RUNX3: variants seen among roughly 807,000 people sequenced by gnomAD.
RUNX3 encodes RUNX family transcription factor 3.
RUNX3 carries 10 observed loss-of-function variants against 27.7 expected under a neutral mutation model. That is an observed-to-expected ratio of 0.36 (90% CI 0.22 to 0.61). RUNX3 has a LOEUF of 0.61. RUNX3 is among the 20% of genes least tolerant of loss of function. The probability of loss-of-function intolerance (pLI) is 0.72; values close to 1 mark genes in which losing one functional copy is unlikely to be tolerated. For synonymous variants in RUNX3, 270 were observed against 269.2 expected, an observed-to-expected ratio of 1.00 and a Z score of -0.03; for missense variants, 469 against 629.5, an observed-to-expected ratio of 0.75 and a Z score of 2.73.
intron 2 of RUNX3, chr1:24,964,442 G>A (rs1328381612): frequency 3.8e-5 from 47 of 1,251,516 alleles, no homozygotes; most frequent in Non-Finnish European, 4.9e-5. Flanking sequence ...CAGCCAGGGC[G>A]GTCAGTGGAG....
chr1:24,916,271 G>A lies in RUNX3; in HGVS notation c.544+2969C>T, dbSNP rs1640887331. 6.6e-6 allele frequency among the ~76,000 whole-genome samples: 1 copy of A among 152,218 alleles called. No homozygotes were observed. Among genetic ancestry groups the A allele is most frequent in the Non-Finnish European group, 1.5e-5 (1 of 68,036 alleles). On this transcript the variant is annotated intron_variant, in intron 3 of 4. Transcript: ENST00000308873. The surrounding 1 kb of genome is among the most constrained non-coding windows in gnomAD (Gnocchi z 4.8). ...GTTGTGGGGGCACTTCCTGGGGCCAGGCCCCGGTAAACTCAGTCAACCTTC... is the reference window on the plus strand; with the variant it reads ...GTTGTGGGGGCACTTCCTGGGGCCAAGCCCCGGTAAACTCAGTCAACCTTC...
At chr1:24,905,804 C>T (rs1319945740) in intron 4 of RUNX3, among the ~76,000 whole-genome samples, 4 of 152,256 alleles carry the variant, frequency 2.6e-5, no homozygotes, top group Non-Finnish European at 4.4e-5. Context: ...TACTGCACCT[C>T]GACAGATGCT....
At chr1:24,956,583 G>A (rs1641932709) in intron 2 of RUNX3, among the ~76,000 whole-genome samples, 1 of 152,222 alleles carries the variant, frequency 6.6e-6, no homozygotes, top group African/African-American at 2.4e-5. Context: ...ACCCCCCCTG[G>A]ACCTAGCACC....
intron 2 of RUNX3, among the ~76,000 whole-genome samples, chr1:24,922,631 G>A (rs1359710110): frequency 6.6e-6 from 1 of 152,000 alleles, no homozygotes; most frequent in East Asian, 1.9e-4. Flanking sequence ...GAATAAAGCA[G>A]CACATTTACC....
intron 3 of RUNX3, among the ~76,000 whole-genome samples, chr1:24,915,214 G>A (rs1228984876): frequency 1.3e-5 from 2 of 152,092 alleles, no homozygotes; most frequent in Admixed American, 6.5e-5. Flanking sequence ...ACTTGAGGTC[G>A]GGAGTTCAAG....
chr1:24,919,120 C>T, intron 3 of RUNX3, 120 bp downstream of exon 3: 1 of 605,872 alleles, frequency 1.7e-6, no homozygotes, highest in Non-Finnish European at 2.8e-6. Flanking sequence ...TGTGTGGGGG[C>T]ACAGAGCCAA....
chr1:24,927,152 G>C lies in RUNX3; in HGVS notation c.439+422C>G, dbSNP rs1199053134. Among the ~76,000 whole-genome samples, 3 of 152,278 alleles carry C rather than the reference G, an allele frequency of 2.0e-5. No homozygotes were observed. Among genetic ancestry groups the C allele is most frequent in the Non-Finnish European group, 4.4e-5 (3 of 68,024 alleles). ...AGCCTCAGAGTGTGGGGGATATTCT[G>C]CCCCCTATGGAGAGAGTGGCTGGGG... On this transcript the variant is annotated intron_variant, in intron 2 of 4. Transcript: ENST00000308873. The surrounding 1 kb of genome is among the most constrained non-coding windows in gnomAD (Gnocchi z 5.0).
chr1:24,930,066 G>C lies in RUNX3; in HGVS notation c.-198C>G, dbSNP rs1363048108. The C allele has an allele frequency of 1.0e-6, 1 of 980,150 alleles. No homozygotes were observed. The highest frequency in any genetic ancestry group is 1.2e-6 in the Non-Finnish European group (1 of 827,946). 60.7% of individuals were successfully genotyped at this position (980,150 alleles called of 1,614,324 possible). On this transcript the variant is annotated 5_prime_UTR_variant, in exon 1 of 5. Coordinates refer to ENST00000308873, the MANE Select transcript of RUNX3 (RefSeq NM_004350.3). This position sits in a 1 kb window ranked among gnomAD's most constrained non-coding sequence, Gnocchi z 4.1. ...GCCCGCTGCGAGGCCTCGCTGGCCC[G>C]ACGGCCGCCCGCAGCCTGCCCGGCT...
chr1:24,929,189 G>A (rs1302575105), intron 1 of RUNX3: 1 of 486,740 alleles, frequency 2.1e-6, no homozygotes, highest in South Asian at 1.5e-5. Flanking sequence ...TGGAGGCGGA[G>A]GGTAGGCCCT....
At chr1:24,908,615 G>A (rs1443165917) in intron 3 of RUNX3, among the ~76,000 whole-genome samples, 3 of 152,188 alleles carry the variant, frequency 2.0e-5, no homozygotes, top group African/African-American at 7.2e-5. Context: ...GCAGTGAGCT[G>A]ATTGTACCAC....
rs182937678 is a variant in RUNX3 at position 24,923,116 on chromosome 1, A to G, written c.440-3772T>C. 2.0e-5 allele frequency among the ~76,000 whole-genome samples: 3 copies of G among 152,252 alleles called. No homozygotes were observed. The highest frequency in any genetic ancestry group is 3.9e-4 in the East Asian group (2 of 5,190). Reference sequence around the variant, plus strand: ...AACGTCCCGCTCCTGAGAAGTGAGAAGCCCCCACCCATACCAGGTAGCAAA... The same window carrying G: ...AACGTCCCGCTCCTGAGAAGTGAGAGGCCCCCACCCATACCAGGTAGCAAA... On this transcript the variant is annotated intron_variant, in intron 2 of 4. Coordinates refer to ENST00000308873, the MANE Select transcript of RUNX3 (RefSeq NM_004350.3). The surrounding 1 kb of genome is among the most constrained non-coding windows in gnomAD (Gnocchi z 5.9).
rs184360369 is a variant in RUNX3, at chr1:24,923,664, G to A, written c.439+3910C>T. Among the ~76,000 whole-genome samples, 80 of 152,140 alleles carry A rather than the reference G, an allele frequency of 5.3e-4. 1 individual carries two copies. In the East Asian group the frequency reaches 6.4e-3, roughly 12 times the overall value. On this transcript the variant is annotated intron_variant, in intron 2 of 4. Coordinates refer to ENST00000308873, the MANE Select transcript of RUNX3 (RefSeq NM_004350.3). This position sits in a 1 kb window ranked among gnomAD's most constrained non-coding sequence, Gnocchi z 5.9. ...GGGTTCCTATGTGTATAAGGTCCCC[G>A]CCCCACCCACAGGAGCTGCATGGGT...
At chr1:24,903,802 C>T (rs1409259752) in intron 4 of RUNX3, among the ~76,000 whole-genome samples, 2 of 152,234 alleles carry the variant, frequency 1.3e-5, no homozygotes, top group African/African-American at 2.4e-5. Flanking sequence ...TGGAGCCGGA[C>T]AGTTATCCTG....
At chr1:24,952,719 C>A (rs187504623) in intron 2 of RUNX3, among the ~76,000 whole-genome samples, 2 of 152,192 alleles carry the variant, frequency 1.3e-5, no homozygotes, top group Non-Finnish European at 2.9e-5. Context: ...GCCCCCACAG[C>A]GGCCTGGAGA....
intron 2 of RUNX3, among the ~76,000 whole-genome samples, chr1:24,951,930 C>T (rs1266012071): frequency 6.6e-6 from 1 of 152,196 alleles, no homozygotes; most frequent in Non-Finnish European, 1.5e-5. Flanking sequence ...GATTATGCCA[C>T]TGCACTCCAG....
At chr1:24,940,818 C>T (rs1641458655) in intron 2 of RUNX3, among the ~76,000 whole-genome samples, 1 of 151,756 alleles carries the variant, frequency 6.6e-6, no homozygotes, top group Admixed American at 6.6e-5. Flanking sequence ...AGGGAAGGGA[C>T]ACTGGTGGGA....
At chr1:24,913,733 C>T (rs1419313375) in intron 3 of RUNX3, among the ~76,000 whole-genome samples, 2 of 152,236 alleles carry the variant, frequency 1.3e-5, no homozygotes, top group Non-Finnish European at 2.9e-5. Flanking sequence ...TTGGCAGCTC[C>T]TTTACCACTG....
At chr1:24,963,708 G>T (rs1642178803) in intron 2 of RUNX3, among the ~76,000 whole-genome samples, 1 of 152,178 alleles carries the variant, frequency 6.6e-6, no homozygotes, top group Non-Finnish European at 1.5e-5. Context: ...GCAGCAGGGG[G>T]TGTCTGAGGC....
intron 2 of RUNX3, among the ~76,000 whole-genome samples, chr1:24,959,279 T>C (rs906130827): frequency 2.0e-5 from 3 of 152,060 alleles, no homozygotes; most frequent in African/African-American, 7.2e-5. Flanking sequence ...AGTCCCGCTG[T>C]GTGGGGTCGG....
Sources: gnomAD v4.1 joint callset for allele counts (sites outside exome capture counted in the v4.1 genomes callset) on GRCh38, gnomAD v4.1.1 for gene constraint, Gnocchi (gnomAD v3.1) non-coding constraint, MANE v1.5 for transcripts, NCBI Gene and HGNC (gene_info 2026-07-23, HGNC 2026-07-21) for gene names.